Variants in GRIA3 observed in about 807,000 individuals in gnomAD.
GRIA3 encodes the protein glutamate ionotropic receptor AMPA type subunit 3.
In GRIA3, 3 loss-of-function variants were observed where a neutral mutation model predicts 63.0. That is an observed-to-expected ratio of 0.05 (90% CI 0.02 to 0.12). The LOEUF (loss-of-function observed/expected upper bound fraction) is 0.12. GRIA3 is among the 10% of genes least tolerant of loss of function. The pLI is 1.00. For missense variants in GRIA3, 347 were observed against 700.9 expected (o/e 0.50, Z 5.70); for synonymous variants, 274 against 257.9 (o/e 1.06, Z -0.60).
intron 4 of GRIA3, among the ~76,000 whole-genome samples, chrX:123,328,228 T>G (rs1218833207): frequency 9.0e-6 from 1 of 111,390 alleles, no homozygotes. Context: ...AAAATAAAAT[T>G]TTCTCTACAT....
intron 3 of GRIA3, among the ~76,000 whole-genome samples, chrX:123,303,965 A>G (rs1374873299): frequency 9.0e-6 from 1 of 111,190 alleles, no homozygotes; most frequent in African/African-American, 3.3e-5. Context: ...AGCGGGTGAT[A>G]TCAGGGATTT....
At chrX:123,473,478 C>A (rs1444426422) in intron 13 of GRIA3, among the ~76,000 whole-genome samples, 1 of 111,857 alleles carries the variant, frequency 8.9e-6, no homozygotes, top group African/African-American at 3.3e-5. Flanking sequence ...TGACTGCCTG[C>A]CTGTACATGC....
intron 3 of GRIA3, among the ~76,000 whole-genome samples, chrX:123,320,829 T>C (rs892212820): frequency 5.4e-5 from 6 of 111,622 alleles, no homozygotes; most frequent in African/African-American, 2.0e-4. Context: ...TTCACCTGCC[T>C]CACCTTAGCT....
At chrX:123,255,604 A>T (rs1397796552) in intron 3 of GRIA3, among the ~76,000 whole-genome samples, 1 of 104,271 alleles carries the variant, frequency 9.6e-6, no homozygotes, top group African/African-American at 3.5e-5. Context: ...ATCTAGTGTG[A>T]CCCTTCTCTG....
intron 3 of GRIA3, among the ~76,000 whole-genome samples, chrX:123,288,320 A>T (rs2044634010): frequency 8.9e-6 from 1 of 112,672 alleles, no homozygotes; most frequent in African/African-American, 3.2e-5. Flanking sequence ...ACCCTAGAAG[A>T]AAACCTAGGC....
intron 2 of GRIA3, among the ~76,000 whole-genome samples, chrX:123,238,459 G>T (rs1318425715): frequency 1.8e-5 from 2 of 111,752 alleles, no homozygotes; most frequent in African/African-American, 3.3e-5. Context: ...TTGGGACAGG[G>T]CATGGAACTA....
intron 5 of GRIA3, among the ~76,000 whole-genome samples, chrX:123,386,472 C>T (rs1034831328): frequency 9.0e-6 from 1 of 111,267 alleles, no homozygotes; most frequent in South Asian, 3.8e-4. Context: ...TATAGTCTCA[C>T]TTGTCTGTTT....
chrX:123,319,360 T>C (rs775420604), intron 3 of GRIA3, among the ~76,000 whole-genome samples: 1 of 112,309 alleles, frequency 8.9e-6, no homozygotes, highest in East Asian at 2.8e-4. Flanking sequence ...AACGCATTTC[T>C]CAGAACGTAT....
Position 123,417,198 on chromosome X carries a change from C to G in GRIA3, c.1501-204C>G, listed in dbSNP as rs116522013. On this transcript the variant is annotated intron_variant, in intron 10 of 15. Coordinates refer to ENST00000620443, the MANE Select transcript of GRIA3 (RefSeq NM_007325.5). ...GTCTCAGAAGACAAAAGGCCAGCACCCTTTCTTTAATTTACCATCAAGTTA... is the reference window on the plus strand; with the variant it reads ...GTCTCAGAAGACAAAAGGCCAGCACGCTTTCTTTAATTTACCATCAAGTTA... Among the ~76,000 whole-genome samples the G allele has an allele frequency of 0.015, 1,686 of 111,805 alleles. 34 individuals are homozygous for G. Among genetic ancestry groups the G allele is most frequent in the African/African-American group, 0.052 (1,590 of 30,744 alleles).
At chrX:123,371,407 G>A (rs2045246890) in intron 5 of GRIA3, among the ~76,000 whole-genome samples, 1 of 109,983 alleles carries the variant, frequency 9.1e-6, no homozygotes, top group South Asian at 4.0e-4. Context: ...CCCAGCAGTG[G>A]GATCGCTGGA....
intron 2 of GRIA3, among the ~76,000 whole-genome samples, chrX:123,227,603 G>C (rs139055353): frequency 1.3e-3 from 140 of 111,733 alleles, no homozygotes; most frequent in African/African-American, 4.4e-3. Context: ...GCCTAGAATT[G>C]AAAATCAGAT....
At chrX:123,353,524 T>G (rs1176900965) in intron 4 of GRIA3, among the ~76,000 whole-genome samples, 1 of 111,819 alleles carries the variant, frequency 8.9e-6, no homozygotes, top group South Asian at 3.8e-4. Context: ...TAAGGACAGT[T>G]AGACTTATTA....
chrX:123,305,279 A>G (rs898680606), intron 3 of GRIA3, among the ~76,000 whole-genome samples: 1 of 111,696 alleles, frequency 9.0e-6, no homozygotes, highest in African/African-American at 3.3e-5. Context: ...GATTCTAACT[A>G]CTGGAGAGTG....
chrX:123,196,650 T>C (rs756973214), intron 2 of GRIA3, among the ~76,000 whole-genome samples: 3 of 111,581 alleles, frequency 2.7e-5, no homozygotes, highest in Admixed American at 9.5e-5. Context: ...TTCTAAGGGA[T>C]AATATTATAG....
intron 11 of GRIA3, among the ~76,000 whole-genome samples, chrX:123,424,756 C>T (rs2045581488): frequency 8.9e-6 from 1 of 111,764 alleles, no homozygotes; most frequent in Admixed American, 9.6e-5. Flanking sequence ...AGATCAACCA[C>T]ATGATGATCT....
At position 123,425,722 on chromosome X, in the gene GRIA3, GAAAA is replaced by G. The variant is rs772315419; in HGVS notation, c.1878-2217_1878-2214del. On this transcript the variant is annotated intron_variant, in intron 11 of 15. Transcript: ENST00000620443. ...AAATCCTGAGATAGTGTAACTGTTA[GAAAA>G]ATCTACTGCAAAGCAGATTTTCAAA... Among the ~76,000 whole-genome samples the G allele has an allele frequency of 7.2e-5, 8 of 111,472 alleles. No homozygotes were observed. The South Asian group carries it at 1.5e-3, about 21-fold the overall frequency.
chrX:123,235,112 C>A (rs2044295488), intron 2 of GRIA3, among the ~76,000 whole-genome samples: 1 of 111,554 alleles, frequency 9.0e-6, no homozygotes, highest in African/African-American at 3.3e-5. Context: ...ATGCAATTCC[C>A]AATAACACCT....
chrX:123,350,040 A>G (rs1001175380), intron 4 of GRIA3, among the ~76,000 whole-genome samples: 24 of 111,642 alleles, frequency 2.1e-4, no homozygotes, highest in African/African-American at 7.1e-4. Flanking sequence ...GAGAGCAGGA[A>G]AAAATGAAGG....
chrX:123,251,529 G>A (rs1386568176), intron 2 of GRIA3, among the ~76,000 whole-genome samples: 7 of 111,129 alleles, frequency 6.3e-5, no homozygotes, highest in African/African-American at 9.8e-5. Context: ...TCTGCCTCCC[G>A]GGTTCAAGCG....
Sources: gnomAD v4.1 joint callset for allele counts (sites outside exome capture counted in the v4.1 genomes callset) on GRCh38, gnomAD v4.1.1 for gene constraint, MANE v1.5 for transcripts, NCBI Gene and HGNC (gene_info 2026-07-23, HGNC 2026-07-21) for gene names.